The following ERCC6L2 variants were observed in gnomAD, a reference collection of about 807,000 sequenced individuals.
The protein encoded by ERCC6L2 is ERCC excision repair 6 like 2.
In ERCC6L2, 77 loss-of-function variants were observed where a neutral mutation model predicts 132.0. The ratio of observed to expected loss-of-function variants is 0.58; its 90% CI spans 0.49 to 0.71. The LOEUF (loss-of-function observed/expected upper bound fraction) is 0.71, where lower values mean the gene tolerates loss of function less well. Ranked by LOEUF, ERCC6L2 falls within the 30% of genes least tolerant of loss-of-function variation. ERCC6L2 has a pLI of 0.00. For synonymous variants in ERCC6L2, 583 were observed against 632.4 expected (o/e 0.92, Z 1.17); for missense variants, 1,542 against 1,837.6 (o/e 0.84, Z 2.94).
intron 12 of ERCC6L2, among the ~76,000 whole-genome samples, chr9:95,952,986 A>G (rs1409550215): frequency 6.6e-6 from 1 of 152,222 alleles, no homozygotes; most frequent in Non-Finnish European, 1.5e-5. Context: ...CCAGAAAAGG[A>G]CAAAGATTGT....
chr9:95,967,885 G>A (rs1832232959), intron 14 of ERCC6L2: 1 of 152,020 alleles, frequency 6.6e-6, no homozygotes, highest in South Asian at 2.1e-4. Flanking sequence ...CCATCTCAGA[G>A]TACTACTTGA....
intron 12 of ERCC6L2, among the ~76,000 whole-genome samples, chr9:95,948,074 A>G (rs2132928177): frequency 6.6e-6 from 1 of 152,326 alleles, no homozygotes; most frequent in East Asian, 1.9e-4. Flanking sequence ...TTGTAAGGCT[A>G]TAGCTGTCAT....
chr9:95,881,944 G>C lies in ERCC6L2; in HGVS notation c.471+651G>C, dbSNP rs529598728. Among the ~76,000 whole-genome samples, 173 of 152,324 alleles carry C rather than the reference G, an allele frequency of 1.1e-3. 1 individual carries two copies. The highest frequency in any genetic ancestry group is 2.0e-3 in the Non-Finnish European group (133 of 68,036). On this transcript the variant is annotated intron_variant, in intron 2 of 18. Transcript: ENST00000653738. ...GGGTTGGGAATCCAGCTGCCGCCTA[G>C]CCTGGTCCTGTAGCTTTGCCTCTCA...
intron 1 of ERCC6L2, 67 bp downstream of exon 1, chr9:95,876,151 C>T: frequency 2.7e-6 from 4 of 1,458,648 alleles, no homozygotes; most frequent in Non-Finnish European, 2.8e-6. Flanking sequence ...CCAGTTCTTG[C>T]CGGTGCCCTT....
chr9:96,020,231 C>T (rs1834261321), downstream of ERCC6L2: 2 of 159,926 alleles, frequency 1.3e-5, no homozygotes, highest in African/African-American at 4.8e-5. Context: ...TTCAGGAAAC[C>T]ACCTCCATGA....
chr9:95,941,450 C>A lies in ERCC6L2; in HGVS notation c.1752-4C>A. ...TGTGCTTTTTTTTTTTCTCTTTCCTCCAGGGCTGGTGGACTAGGCCTCAAT... is the reference window on the plus strand; with the variant it reads ...TGTGCTTTTTTTTTTTCTCTTTCCTACAGGGCTGGTGGACTAGGCCTCAAT... On this transcript the variant is annotated splice_polypyrimidine_tract_variant and splice_region_variant and intron_variant, in intron 11 of 18. Transcript: ENST00000653738. 1 of 1,604,612 alleles carries A rather than the reference C, an allele frequency of 6.2e-7. No individual in the cohort carries two copies. The highest frequency in any genetic ancestry group is 2.2e-5 in the East Asian group (1 of 44,740).
chr9:95,970,612 A>G lies in ERCC6L2; in HGVS notation c.2137A>G (p.Thr713Ala), dbSNP rs775640218. Residue 713 changes from threonine (T) to alanine (A), a missense_variant, in exon 15 of 19, where the codon ACA (threonine) becomes GCA (alanine). Coordinates refer to ENST00000653738, the MANE Select transcript of ERCC6L2 (RefSeq NM_020207.7). Reference protein sequence around the residue: ...GQVEAGIMTATTWLKEGPPAH... With the variant: ...GQVEAGIMTAATWLKEGPPAH... ...AGTAGAAGCAGGGATCATGACAGCC[A>G]CAACATGGTTGAAAGAGGGACCTCC... The G allele has an allele frequency of 1.5e-6, 2 of 1,303,958 alleles. No homozygotes were observed. The highest frequency in any genetic ancestry group is 2.5e-5 in the South Asian group (2 of 80,924). 80.8% of individuals were successfully genotyped at this position (1,303,958 alleles called of 1,614,324 possible).
intron 18 of ERCC6L2, among the ~76,000 whole-genome samples, chr9:96,008,877 T>C (rs1833942174): frequency 6.6e-6 from 1 of 152,184 alleles, no homozygotes; most frequent in Non-Finnish European, 1.5e-5. Context: ...CACTGAATCT[T>C]TTGTTTATCT....
intron 11 of ERCC6L2, among the ~76,000 whole-genome samples, chr9:95,933,749 C>T (rs771150147): frequency 8.0e-5 from 12 of 149,712 alleles, no homozygotes; most frequent in South Asian, 2.1e-4. Context: ...GAGGCTGAGA[C>T]GGGAGAATTG....
intron 2 of ERCC6L2, among the ~76,000 whole-genome samples, chr9:95,895,574 A>G (rs1828409188): frequency 6.6e-6 from 1 of 151,990 alleles, no homozygotes; most frequent in South Asian, 2.1e-4. Flanking sequence ...TTATTCTTCT[A>G]TTAATGATTA....
chr9:96,010,712 G>A (rs1479217163), intron 18 of ERCC6L2, among the ~76,000 whole-genome samples: 1 of 152,114 alleles, frequency 6.6e-6, no homozygotes, highest in African/African-American at 2.4e-5. Context: ...TGCCAGTAGT[G>A]CCCCATATTT....
intron 16 of ERCC6L2, among the ~76,000 whole-genome samples, chr9:95,976,845 G>A (rs959124994): frequency 5.9e-5 from 9 of 152,138 alleles, no homozygotes; most frequent in Non-Finnish European, 1.2e-4. Context: ...AAGAAGCTGA[G>A]ATATAAGCAA....
chr9:95,972,503 AGTATAAGGT>A lies in ERCC6L2; in HGVS notation c.2753_2761del (p.Ser918_Phe921delinsIle). 1 of 1,289,968 alleles carries A rather than the reference AGTATAAGGT, an allele frequency of 7.8e-7. No individual in the cohort carries two copies. The allele number at this position is 1,289,968 out of a possible 1,614,324, so 79.9% of individuals were successfully genotyped here. A position where few individuals can be genotyped will look rare whatever the true frequency, so the allele number is the denominator to read the frequency against. On this transcript the variant is annotated inframe_deletion, in exon 16 of 19. Transcript: ENST00000653738. ...CACAACTGAGAGATTCCCCGACAAT[AGTATAAGGT>A]TTAAGCCACCCTTGGAAGGATCTGA... is the stretch of plus-strand genomic sequence containing the variant.
intron 2 of ERCC6L2, among the ~76,000 whole-genome samples, chr9:95,896,421 GA>G (rs1564201900): frequency 6.2e-5 from 4 of 64,846 alleles, no homozygotes; most frequent in African/African-American, 1.4e-4. Flanking sequence ...TTTTTTTTTT[GA>G]TTTTTTTTTT....
intron 17 of ERCC6L2, among the ~76,000 whole-genome samples, chr9:96,001,540 G>A (rs1386513665): frequency 1.3e-5 from 2 of 152,206 alleles, no homozygotes; most frequent in Non-Finnish European, 2.9e-5. Flanking sequence ...GTGCTGATTG[G>A]TGTATTTACA....
intron 17 of ERCC6L2, among the ~76,000 whole-genome samples, chr9:96,000,806 G>T (rs1207081873): frequency 6.6e-6 from 1 of 152,186 alleles, no homozygotes; most frequent in Non-Finnish European, 1.5e-5. Context: ...AAATTAGCTC[G>T]GCCTGTGGGC....
intron 19 of ERCC6L2, among the ~76,000 whole-genome samples, chr9:96,036,757 A>AT (rs1378223238): frequency 1.5e-5 from 2 of 130,540 alleles, no homozygotes; most frequent in African/African-American, 2.7e-5. Context: ...TATTATTATT[A>AT]TTATTATTTT....
intron 2 of ERCC6L2, 67 bp downstream of exon 2, chr9:95,881,360 C>A: frequency 1.6e-6 from 2 of 1,246,518 alleles, no homozygotes; most frequent in Non-Finnish European, 2.2e-6. Context: ...ATATGTAAAT[C>A]TTTATTTGTA....
intron 19 of ERCC6L2, among the ~76,000 whole-genome samples, chr9:96,032,526 C>T (rs1011835359): frequency 2.0e-5 from 3 of 152,234 alleles, no homozygotes; most frequent in Non-Finnish European, 2.9e-5. Flanking sequence ...ACCTCCCTGG[C>T]GCACCTGCTT....
Sources: allele counts gnomAD v4.1 joint callset (sites outside exome capture counted in the v4.1 genomes callset), GRCh38; gene constraint gnomAD v4.1.1; transcripts MANE v1.5; gene names NCBI Gene and HGNC (gene_info 2026-07-23, HGNC 2026-07-21).